DCAKD: variants seen among roughly 807,000 people sequenced by gnomAD.
DCAKD encodes the protein dephospho-CoA kinase domain-containing protein.
A neutral mutation model predicts 18.7 loss-of-function variants in DCAKD; 15 were observed. The observed-to-expected ratio is 0.80, with a 90% confidence interval of 0.54 to 1.24. DCAKD has a LOEUF of 1.24. Ranked by LOEUF, DCAKD falls within the 50% of genes most tolerant of loss-of-function variation. The pLI is 0.00. For synonymous variants in DCAKD, 130 were observed against 133.0 expected, an observed-to-expected ratio of 0.98 and a Z score of 0.16; for missense variants, 301 against 322.0, an observed-to-expected ratio of 0.93 and a Z score of 0.50.
chr17:45,055,951 T>C (rs1453817984), upstream of DCAKD, among the ~76,000 whole-genome samples: 3 of 152,134 alleles, frequency 2.0e-5, no homozygotes, highest in Non-Finnish European at 1.5e-5. Flanking sequence ...GTCAGGAGTT[T>C]GAGACTAGCC....
chr17:45,023,345 T>G lies in DCAKD; in HGVS notation c.*1088A>C, dbSNP rs1486135732. On this transcript the variant is annotated 3_prime_UTR_variant, in exon 5 of 5. Coordinates refer to ENST00000651974, the MANE Select transcript of DCAKD (RefSeq NM_001288655.2). ...AGAAGCCAAGTCTGGGAATCTTGGT[T>G]GGTCTGGGGCATTTCAGATCAACAC... 6.6e-6 allele frequency: 1 copy of G among 152,078 alleles called. No homozygotes were observed. The highest frequency in any genetic ancestry group is 1.5e-5 in the Non-Finnish European group (1 of 68,036). 9.4% of individuals were successfully genotyped at this position (152,078 alleles called of 1,614,324 possible).
At chr17:45,028,671 A>G (rs1038394215) in intron 4 of DCAKD, among the ~76,000 whole-genome samples, 34 of 150,500 alleles carry the variant, frequency 2.3e-4, no homozygotes, top group African/African-American at 7.1e-4. Flanking sequence ...CGGCCTCCCA[A>G]AGTGCTGGGA....
At chr17:45,054,144 TG>T, upstream of DCAKD, 1 of 518,914 alleles carries the variant, frequency 1.9e-6, no homozygotes, top group South Asian at 1.4e-5. Context: ...AAGGGCCATT[TG>T]GTACAAACAC....
intron 3 of DCAKD, among the ~76,000 whole-genome samples, chr17:45,030,476 C>T (rs967063184): frequency 3.9e-5 from 6 of 152,168 alleles, no homozygotes; most frequent in African/African-American, 1.2e-4. Flanking sequence ...GAGGATTCCA[C>T]GAATGAGAAC....
At chr17:45,053,644 A>G (rs182835200), upstream of DCAKD, among the ~76,000 whole-genome samples, 1 of 152,096 alleles carries the variant, frequency 6.6e-6, no homozygotes, top group Admixed American at 6.5e-5. Flanking sequence ...TGGTCTGGAA[A>G]TCCTGACCTA....
chr17:45,056,702 T>G (rs925900074), intron 1 of DCAKD, among the ~76,000 whole-genome samples: 1 of 152,178 alleles, frequency 6.6e-6, no homozygotes, highest in Non-Finnish European at 1.5e-5. Flanking sequence ...CTCAAACTCC[T>G]GACCTCAGGT....
rs2053000207 is a variant in DCAKD at position 45,024,151 on chromosome 17, C to T, written c.*282G>A. 1 of 415,634 alleles carries T rather than the reference C, an allele frequency of 2.4e-6. No individual in the cohort carries two copies. The highest frequency in any genetic ancestry group is 4.4e-6 in the Non-Finnish European group (1 of 227,040). The allele number at this position is 415,634 out of a possible 1,614,324, so 25.7% of individuals were successfully genotyped here. A position where few individuals can be genotyped will look rare whatever the true frequency, so the allele number is the denominator to read the frequency against. ...AGTCTCTGACTGTTGCTTTCACACACCATCACGGTTGCTGTTCTGTAGGTG... is the reference window on the plus strand; with the variant it reads ...AGTCTCTGACTGTTGCTTTCACACATCATCACGGTTGCTGTTCTGTAGGTG... On this transcript the variant is annotated 3_prime_UTR_variant, in exon 5 of 5. Transcript: ENST00000651974.
chr17:45,041,070 C>T (rs890494722), intron 1 of DCAKD, among the ~76,000 whole-genome samples: 1 of 152,174 alleles, frequency 6.6e-6, no homozygotes, highest in Non-Finnish European at 1.5e-5. Flanking sequence ...GCCCTGACCA[C>T]TCCAGTAGCC....
intron 1 of DCAKD, among the ~76,000 whole-genome samples, chr17:45,059,782 C>T (rs910547532): frequency 4.6e-5 from 7 of 152,226 alleles, no homozygotes; most frequent in East Asian, 1.9e-4. Context: ...ATTTACCAAC[C>T]TCTCAGGGCC....
chr17:45,025,006 GCTC>G (rs1567827073), intron 4 of DCAKD, among the ~76,000 whole-genome samples: 1 of 123,636 alleles, frequency 8.1e-6, no homozygotes, highest in East Asian at 2.1e-4. Flanking sequence ...TTTGGCCACA[GCTC>G]TTTTTTTTTT....
At chr17:45,035,582 T>C (rs1014949565) in intron 1 of DCAKD, among the ~76,000 whole-genome samples, 3 of 151,538 alleles carry the variant, frequency 2.0e-5, no homozygotes, top group African/African-American at 7.3e-5. Context: ...GCATGCTTCC[T>C]GGACGAGGCA....
chr17:45,041,285 G>C (rs577068861), intron 1 of DCAKD, among the ~76,000 whole-genome samples: 4 of 151,558 alleles, frequency 2.6e-5, no homozygotes, highest in African/African-American at 9.7e-5. Flanking sequence ...CTGTCACACT[G>C]ATCTTCCTTC....
chr17:45,049,312 G>A (rs926968965), intron 1 of DCAKD, among the ~76,000 whole-genome samples: 11 of 151,914 alleles, frequency 7.2e-5, no homozygotes, highest in Admixed American at 1.3e-4. Flanking sequence ...ACAGACACCC[G>A]TACTCTTAGT....
chr17:45,030,168 C>A lies in DCAKD; in HGVS notation c.328G>T (p.Val110Leu). The A allele has an allele frequency of 6.2e-7, 1 of 1,614,074 alleles. No individual in the cohort carries two copies. Among genetic ancestry groups the A allele is most frequent in the Non-Finnish European group, 8.5e-7 (1 of 1,179,954 alleles). Residue 110 changes from valine (V) to leucine (L), a missense_variant, in exon 4 of 5, where the codon GTG (valine) becomes TTG (leucine). Transcript: ENST00000651974. ...AACAGCAGGGGGATATCCAGAATCA[C>A]GTAGCGGTATCCTGGGGAGAGGTTG... ...FKYFLRGYRYVILDIPLLFET... is the reference protein window; with the variant it reads ...FKYFLRGYRYLILDIPLLFET...
At chr17:45,029,269 G>C (rs895519250) in intron 4 of DCAKD, among the ~76,000 whole-genome samples, 1 of 152,228 alleles carries the variant, frequency 6.6e-6, no homozygotes, top group African/African-American at 2.4e-5. Context: ...GGGGACCCAG[G>C]GGGAAAGGCA....
At chr17:45,027,933 C>CTGCACCCAGCCTTTTTTT in intron 4 of DCAKD, among the ~76,000 whole-genome samples, 2 of 148,680 alleles carry the variant, frequency 1.3e-5, no homozygotes, top group African/African-American at 5.0e-5. Flanking sequence ...TTGCAGTGAG[C>CTGCACCCAGCCTTTTTTT]TGAGATCGCG....
chr17:45,048,743 C>A (rs2053627014), intron 1 of DCAKD, among the ~76,000 whole-genome samples: 1 of 150,842 alleles, frequency 6.6e-6, no homozygotes. Context: ...GAGGTAGAGG[C>A]TGCAGTGAGC....
intron 1 of DCAKD, among the ~76,000 whole-genome samples, chr17:45,036,185 C>T (rs1341914315): frequency 6.6e-6 from 1 of 152,188 alleles, no homozygotes; most frequent in South Asian, 2.1e-4. Flanking sequence ...CCTCCCTGAA[C>T]CTCAGTTTTC....
At chr17:45,055,647 T>C (rs1248786523), upstream of DCAKD, among the ~76,000 whole-genome samples, 1 of 152,190 alleles carries the variant, frequency 6.6e-6, no homozygotes, top group African/African-American at 2.4e-5. Flanking sequence ...GTTTGTTTAC[T>C]GTCCTGATGA....
Sources: gnomAD v4.1 joint callset for allele counts (sites outside exome capture counted in the v4.1 genomes callset) on GRCh38, gnomAD v4.1.1 for gene constraint, MANE v1.5 for transcripts, NCBI Gene and HGNC (gene_info 2026-07-23, HGNC 2026-07-21) for gene names.